Variants in PCDHA3 observed in about 807,000 individuals in gnomAD.
PCDHA3 encodes protocadherin alpha-3.
In PCDHA3, 41 loss-of-function variants were observed where a neutral mutation model predicts 62.2. That is an observed-to-expected ratio of 0.66 (90% CI 0.51 to 0.86). The LOEUF (loss-of-function observed/expected upper bound fraction) is 0.86, where lower values mean the gene tolerates loss of function less well. PCDHA3 is among the 40% of genes least tolerant of loss of function. The pLI is 0.00. For missense variants in PCDHA3, 1,304 were observed against 1,241.2 expected (o/e 1.05, Z -0.76); for synonymous variants, 640 against 555.4 (o/e 1.15, Z -2.14).
chr5:140,901,443 T>C (rs1288584501), intron 1 of PCDHA3, among the ~76,000 whole-genome samples: 2 of 152,202 alleles, frequency 1.3e-5, no homozygotes, highest in Non-Finnish European at 2.9e-5. Flanking sequence ...ATATCTAGTT[T>C]CCCAGCACAG....
chr5:140,889,080 A>G (rs2062092798), intron 1 of PCDHA3, among the ~76,000 whole-genome samples: 1 of 151,888 alleles, frequency 6.6e-6, no homozygotes, highest in Non-Finnish European at 1.5e-5. Flanking sequence ...ATTTTGTTAA[A>G]TTTTCAAAAC....
At chr5:140,925,114 G>T (rs1341892158) in intron 1 of PCDHA3, among the ~76,000 whole-genome samples, 2 of 151,122 alleles carry the variant, frequency 1.3e-5, no homozygotes, top group East Asian at 3.9e-4. Context: ...AGGAGGGAAG[G>T]AAGGAAGGAA....
intron 1 of PCDHA3, chr5:140,842,909 C>G: frequency 6.3e-7 from 1 of 1,594,530 alleles, no homozygotes; most frequent in Non-Finnish European, 8.6e-7. Context: ...GGAGCTAGAG[C>G]TGCTGCAGTT....
At position 140,845,398 on chromosome 5, in the gene PCDHA3, G is replaced by A. The variant is rs1272388366; in HGVS notation, c.2394+41807G>A. Among the ~76,000 whole-genome samples the A allele has an allele frequency of 2.0e-5, 3 of 149,302 alleles. 1 individual carries two copies. The highest frequency in any genetic ancestry group is 4.5e-5 in the Non-Finnish European group (3 of 66,780). ...ATAGGAGGATTCTTTCCACCACCTA[G>A]CATTGTATTTGGCAATTTATCATTT... On this transcript the variant is annotated intron_variant, in intron 1 of 3. Coordinates refer to ENST00000522353, the MANE Select transcript of PCDHA3 (RefSeq NM_018906.3).
At chr5:140,900,941 C>T (rs1241522274) in intron 1 of PCDHA3, among the ~76,000 whole-genome samples, 1 of 152,140 alleles carries the variant, frequency 6.6e-6, no homozygotes, top group African/African-American at 2.4e-5. Flanking sequence ...TTTTGATTTG[C>T]ATTTCTCTGA....
intron 1 of PCDHA3, chr5:140,823,572 T>C (rs2150127027): frequency 1.2e-6 from 2 of 1,613,944 alleles, no homozygotes; most frequent in African/African-American, 1.3e-5. Context: ...TGGACCCTGA[T>C]TCGGGCTACA....
rs572664608 is a variant in PCDHA3 at position 140,918,936 on chromosome 5, T to C, written c.2395-60013T>C. 6.0e-4 allele frequency among the ~76,000 whole-genome samples: 92 copies of C among 152,342 alleles called. 2 individuals are homozygous for C. Among genetic ancestry groups the C allele is most frequent in the Admixed American group, 5.2e-3 (80 of 15,310 alleles). On this transcript the variant is annotated intron_variant, in intron 1 of 3. Transcript: ENST00000522353. ...AACTACACAGCATATGGCATTTTGT[T>C]ATAATATCCTGAACAGACTAAGACA...
In PCDHA3 at chr5:140,803,144, G is replaced by C. The variant is rs782254841; in HGVS notation, c.1947G>C (p.Val649=). 12 of 1,613,880 alleles carry C rather than the reference G, an allele frequency of 7.4e-6. No homozygotes were observed. Among genetic ancestry groups the C allele is most frequent in the Non-Finnish European group, 1.0e-5 (12 of 1,179,940 alleles). Residue 649 remains valine, a synonymous_variant, in exon 1 of 4, where the codon GTG becomes GTC. Coordinates refer to ENST00000522353, the MANE Select transcript of PCDHA3 (RefSeq NM_018906.3). The stretch of plus-strand genomic sequence containing the variant: ...ACGCCCCGCGCCATCGCCTACTGGT[G>C]CTGGTGAAGGACCACGGTGAACCCT... ...EVDAPRHRLL[V]LVKDHGEPSL...
chr5:140,802,823 G>C lies in PCDHA3; in HGVS notation c.1626G>C (p.Val542=), dbSNP rs1554122389. 4 of 1,613,472 alleles carry C rather than the reference G, an allele frequency of 2.5e-6. No individual in the cohort carries two copies. Among genetic ancestry groups the C allele is most frequent in the Admixed American group, 1.7e-5 (1 of 60,012 alleles). ...QFQVSARDAG[V]PPLGSNVTLQ... ...AGGTGAGTGCGCGCGATGCGGGCGTGCCGCCTCTGGGCAGCAACGTGACGC... is the reference window on the plus strand; with the variant it reads ...AGGTGAGTGCGCGCGATGCGGGCGTCCCGCCTCTGGGCAGCAACGTGACGC... The change falls in exon 1 of 4, where the codon GTG becomes GTC. Residue 542 remains valine (V), a synonymous_variant. Coordinates refer to ENST00000522353, the MANE Select transcript of PCDHA3 (RefSeq NM_018906.3).
chr5:140,944,743 T>A (rs1307968034), intron 1 of PCDHA3, among the ~76,000 whole-genome samples: 2 of 152,238 alleles, frequency 1.3e-5, no homozygotes, highest in East Asian at 3.8e-4. Flanking sequence ...TCTGAGCATT[T>A]ACATGGAAAA....
At chr5:140,866,291 T>A (rs1193667769) in intron 1 of PCDHA3, 1 of 152,138 alleles carries the variant, frequency 6.6e-6, no homozygotes, top group Non-Finnish European at 1.5e-5. Flanking sequence ...TTGGGACAAG[T>A]ATAGATGTTG....
At chr5:140,840,903 C>A (rs933771737) in intron 1 of PCDHA3, among the ~76,000 whole-genome samples, 3 of 151,914 alleles carry the variant, frequency 2.0e-5, no homozygotes, top group Admixed American at 6.6e-5. Context: ...ACATACAGGT[C>A]ATACTTAAAT....
At chr5:140,863,029 G>C (rs782621997) in intron 1 of PCDHA3, 1 of 556,606 alleles carries the variant, frequency 1.8e-6, no homozygotes, top group Non-Finnish European at 3.5e-6. Context: ...TGTCGCAACA[G>C]CTGCATCTGT....
intron 1 of PCDHA3, among the ~76,000 whole-genome samples, chr5:140,906,693 G>A (rs887867103): frequency 6.6e-6 from 1 of 152,082 alleles, no homozygotes; most frequent in African/African-American, 2.4e-5. Context: ...GAAGGATCTG[G>A]GCCATTTGTA....
chr5:140,875,986 T>C, intron 1 of PCDHA3: 1 of 1,613,998 alleles, frequency 6.2e-7, no homozygotes, highest in East Asian at 2.2e-5. Context: ...GACCTATGCG[T>C]TAAGTCTAAA....
chr5:140,869,106 G>A (rs1300691956), intron 1 of PCDHA3: 1 of 1,602,672 alleles, frequency 6.2e-7, no homozygotes, highest in Non-Finnish European at 8.5e-7. Flanking sequence ...CGTATGCGAT[G>A]TTTGGTTTTC....
At chr5:140,823,966 TGCACACGGG>T in intron 1 of PCDHA3, 1 of 1,613,942 alleles carries the variant, frequency 6.2e-7, no homozygotes, top group Non-Finnish European at 8.5e-7. Context: ...CGAGGCCGTG[TGCACACGGG>T]GCAAGCCCAC....
intron 1 of PCDHA3, among the ~76,000 whole-genome samples, chr5:140,961,071 G>GT (rs2095588240): frequency 6.6e-6 from 1 of 152,208 alleles, no homozygotes; most frequent in African/African-American, 2.4e-5. Flanking sequence ...GATATCTGGA[G>GT]TATCAAGTAA....
rs782673935 is a variant in PCDHA3 at position 140,857,328 on chromosome 5, G to A, written c.2394+53737G>A. ...GCCTATGAGCTGGTGGTGACCGCGC[G>A]GGACGGGGGCTCGCCTCCGCTGTGG... is the stretch of plus-strand genomic sequence containing the variant. On this transcript the variant is annotated intron_variant, in intron 1 of 3. Transcript: ENST00000522353. 7.5e-6 allele frequency: 12 copies of A among 1,598,502 alleles called. 1 individual carries two copies. The highest frequency in any genetic ancestry group is 1.3e-5 in the African/African-American group (1 of 74,410).
Sources: gnomAD v4.1 joint callset for allele counts (sites outside exome capture counted in the v4.1 genomes callset) on GRCh38, gnomAD v4.1.1 for gene constraint, MANE v1.5 for transcripts, NCBI Gene and HGNC (gene_info 2026-07-23, HGNC 2026-07-21) for gene names.